Variants in CYRIB observed in about 807,000 individuals in gnomAD.
CYRIB encodes the protein CYFIP-related Rac1 interactor B.
A neutral mutation model predicts 44.2 loss-of-function variants in CYRIB; 8 were observed. The ratio of observed to expected loss-of-function variants is 0.18; its 90% CI spans 0.11 to 0.33. The LOEUF (loss-of-function observed/expected upper bound fraction) is 0.33, where lower values mean the gene tolerates loss of function less well. Among genes scored for constraint, CYRIB ranks in the 10% least tolerant of loss-of-function variants. The pLI is 1.00. For missense variants in CYRIB, 185 were observed against 382.8 expected, an observed-to-expected ratio of 0.48 and a Z score of 4.31; for synonymous variants, 131 against 127.2, an observed-to-expected ratio of 1.03 and a Z score of -0.20.
intron 2 of CYRIB, chr8:129,901,532 T>C (rs1281307546): frequency 6.6e-6 from 1 of 152,142 alleles, no homozygotes; most frequent in Non-Finnish European, 1.5e-5. Context: ...TTAAGATTAG[T>C]CATATAGAAT....
At chr8:129,962,320 C>T (rs1327493674) in intron 2 of CYRIB, among the ~76,000 whole-genome samples, 1 of 151,972 alleles carries the variant, frequency 6.6e-6, no homozygotes, top group Admixed American at 6.6e-5. Flanking sequence ...TGATGTGTGC[C>T]TGTAGTCCCA....
intron 2 of CYRIB, among the ~76,000 whole-genome samples, chr8:129,946,733 G>C (rs1042042516): frequency 6.6e-6 from 1 of 152,098 alleles, no homozygotes; most frequent in Non-Finnish European, 1.5e-5. Context: ...ATGAGCCTCC[G>C]GCACATCTGC....
chr8:129,851,938 C>T, intron 8 of CYRIB: 1 of 382,046 alleles, frequency 2.6e-6, no homozygotes. Flanking sequence ...TTGGTTTGGC[C>T]ATGCCATCAG....
At chr8:129,964,950 C>T (rs2095415438) in intron 2 of CYRIB, among the ~76,000 whole-genome samples, 1 of 152,210 alleles carries the variant, frequency 6.6e-6, no homozygotes, top group Admixed American at 6.5e-5. Context: ...CAGGTATCAG[C>T]AGGCAATGGA....
chr8:129,999,639 T>C (rs1564741641), intron 1 of CYRIB, among the ~76,000 whole-genome samples: 1 of 152,214 alleles, frequency 6.6e-6, no homozygotes. Flanking sequence ...GTATTTTTAA[T>C]ATGCTGGAGA....
intron 1 of CYRIB, among the ~76,000 whole-genome samples, chr8:129,935,907 A>G (rs1367635164): frequency 6.6e-6 from 1 of 152,226 alleles, no homozygotes; most frequent in Non-Finnish European, 1.5e-5. Flanking sequence ...GTGTTGCAAG[A>G]AATGTTTATA....
At chr8:129,891,635 T>G (rs1404757094) in intron 2 of CYRIB, among the ~76,000 whole-genome samples, 1 of 152,214 alleles carries the variant, frequency 6.6e-6, no homozygotes, top group Non-Finnish European at 1.5e-5. Flanking sequence ...TGCAGTTAAC[T>G]CACTTGACTT....
chr8:129,848,696 G>A (rs1242963913), intron 10 of CYRIB, among the ~76,000 whole-genome samples: 2 of 151,770 alleles, frequency 1.3e-5, no homozygotes, highest in Non-Finnish European at 2.9e-5. Flanking sequence ...GCCTCTCAAC[G>A]TAGCTGTGAC....
chr8:130,003,990 G>A (rs1197741221), intron 1 of CYRIB, among the ~76,000 whole-genome samples: 3 of 152,162 alleles, frequency 2.0e-5, no homozygotes, highest in South Asian at 2.1e-4. Flanking sequence ...AGGGGCTGCG[G>A]TAACCAAAAA....
chr8:129,864,964 C>G (rs1341425732), intron 4 of CYRIB: 2 of 237,594 alleles, frequency 8.4e-6, no homozygotes, highest in South Asian at 9.9e-5. Context: ...GCTGAAAGAG[C>G]AATGGCTTGG....
intron 1 of CYRIB, among the ~76,000 whole-genome samples, chr8:130,003,748 T>C (rs141175094): frequency 9.4e-4 from 143 of 152,312 alleles, no homozygotes; most frequent in African/African-American, 3.3e-3. Context: ...GGGAGAAGCA[T>C]TTTCCAACCA....
At chr8:129,965,405 T>C (rs2095435591) in intron 2 of CYRIB, among the ~76,000 whole-genome samples, 1 of 152,166 alleles carries the variant, frequency 6.6e-6, no homozygotes. Flanking sequence ...TCCTGCAAAT[T>C]GCTTTATTCT....
chr8:130,000,076 A>G (rs1172032924), intron 1 of CYRIB, among the ~76,000 whole-genome samples: 1 of 152,192 alleles, frequency 6.6e-6, no homozygotes, highest in East Asian at 1.9e-4. Context: ...ATGACTCAGC[A>G]TGACTCAGCT....
At chr8:130,011,545 T>G (rs60517999) in intron 1 of CYRIB, among the ~76,000 whole-genome samples, 1 of 151,038 alleles carries the variant, frequency 6.6e-6, no homozygotes, top group Non-Finnish European at 1.5e-5. Flanking sequence ...AGGCTGGGCA[T>G]GGTGGCTCAC....
chr8:129,989,535 A>AT (rs1249416280), intron 1 of CYRIB, among the ~76,000 whole-genome samples: 2 of 151,958 alleles, frequency 1.3e-5, no homozygotes, highest in Non-Finnish European at 2.9e-5. Flanking sequence ...TAGCAGGTGC[A>AT]TGGCCAGAGG....
At chr8:129,993,463 A>C (rs1396078933) in intron 1 of CYRIB, among the ~76,000 whole-genome samples, 10 of 152,018 alleles carry the variant, frequency 6.6e-5, no homozygotes, top group Non-Finnish European at 8.8e-5. Context: ...TTGGGAGGCC[A>C]AGGCAGGCAG....
At chr8:129,900,915 C>T (rs943558609) in intron 2 of CYRIB, among the ~76,000 whole-genome samples, 6 of 152,178 alleles carry the variant, frequency 3.9e-5, no homozygotes, top group Non-Finnish European at 8.8e-5. Context: ...CTCAAGTGAT[C>T]CACCCACCTC....
chr8:129,911,537 C>T (rs2078013968), intron 1 of CYRIB, among the ~76,000 whole-genome samples: 1 of 152,028 alleles, frequency 6.6e-6, no homozygotes, highest in South Asian at 2.1e-4. Context: ...CGCGGTGGCT[C>T]ACACCTGTAA....
At position 129,945,649 on chromosome 8, in the gene CYRIB, G is replaced by A. The variant is rs114988498; in HGVS notation, c.-243+25294C>T. Among the ~76,000 whole-genome samples, 1,349 of 152,202 alleles carry A rather than the reference G, an allele frequency of 8.9e-3. 21 individuals carry two copies. The highest frequency in any genetic ancestry group is 0.031 in the African/African-American group (1,302 of 41,522). On this transcript the variant is annotated intron_variant, in intron 2 of 14. Transcript: ENST00000401979. Reference sequence around the variant, plus strand: ...TGTGACACAATCTCCACTCACTGCAGCCTCCGCCTCCCGAGTTCAAGCGAC... The same window carrying A: ...TGTGACACAATCTCCACTCACTGCAACCTCCGCCTCCCGAGTTCAAGCGAC...
Sources: allele counts gnomAD v4.1 joint callset (sites outside exome capture counted in the v4.1 genomes callset), GRCh38; gene constraint gnomAD v4.1.1; transcripts MANE v1.5; gene names NCBI Gene and HGNC (gene_info 2026-07-23, HGNC 2026-07-21).